PRKCE: variants seen among roughly 807,000 people sequenced by gnomAD.
PRKCE encodes protein kinase C epsilon type.
PRKCE carries 16 observed loss-of-function variants against 85.4 expected under a neutral mutation model. The ratio of observed to expected loss-of-function variants is 0.19; its 90% CI spans 0.13 to 0.28. PRKCE has a LOEUF of 0.28. PRKCE is among the 10% of genes least tolerant of loss of function. The pLI is 1.00. For missense variants in PRKCE, 573 were observed against 975.2 expected (o/e 0.59, Z 5.49); for synonymous variants, 388 against 371.5 (o/e 1.04, Z -0.51).
chr2:45,885,877 G>C (rs2345179), intron 2 of PRKCE, among the ~76,000 whole-genome samples: 1 of 152,104 alleles, frequency 6.6e-6, no homozygotes, highest in South Asian at 2.1e-4. Flanking sequence ...CTTATTTTAA[G>C]TGCACGAGGG....
At chr2:45,794,868 C>CT (rs1044390652) in intron 1 of PRKCE, among the ~76,000 whole-genome samples, 2 of 103,452 alleles carry the variant, frequency 1.9e-5, no homozygotes, top group African/African-American at 3.8e-5. Flanking sequence ...TCCACCATTT[C>CT]TTTTTTTCTT....
At chr2:46,141,073 G>A (rs1324404662) in intron 11 of PRKCE, among the ~76,000 whole-genome samples, 2 of 152,044 alleles carry the variant, frequency 1.3e-5, no homozygotes, top group African/African-American at 2.4e-5. Context: ...ACCAAGAAGG[G>A]CTGTTTGGCA....
chr2:46,070,389 A>G (rs1667975632), intron 10 of PRKCE, among the ~76,000 whole-genome samples: 1 of 152,238 alleles, frequency 6.6e-6, no homozygotes, highest in East Asian at 1.9e-4. Context: ...CATGCCTGTA[A>G]TCCCAGCACT....
In PRKCE at chr2:46,159,104, G is replaced by C. The variant is rs534639899; in HGVS notation, c.1921-502G>C. Among the ~76,000 whole-genome samples, 2 of 152,308 alleles carry C rather than the reference G, an allele frequency of 1.3e-5. No individual in the cohort carries two copies. The highest frequency in any genetic ancestry group is 3.9e-4 in the East Asian group (2 of 5,186). On this transcript the variant is annotated intron_variant, in intron 13 of 14. Transcript: ENST00000306156. This position sits in a 1 kb window ranked among gnomAD's most constrained non-coding sequence, Gnocchi z 4.1. ...CAGGAACAGGAAAGGAGCTGGAGGA[G>C]GCATTAGTACATTTGATCATTTACC...
At chr2:45,939,210 A>C (rs1699702685) in intron 2 of PRKCE, among the ~76,000 whole-genome samples, 1 of 152,192 alleles carries the variant, frequency 6.6e-6, no homozygotes, top group African/African-American at 2.4e-5. Flanking sequence ...GTGTTTCGGG[A>C]AAGAAATTTG....
intron 6 of PRKCE, among the ~76,000 whole-genome samples, chr2:45,986,580 T>G (rs1315881895): frequency 6.6e-6 from 1 of 152,092 alleles, no homozygotes; most frequent in South Asian, 2.1e-4. Context: ...GTTTTGAATC[T>G]GTTGAGGGCA....
At chr2:45,988,544 C>G (rs1703530027) in intron 6 of PRKCE, among the ~76,000 whole-genome samples, 1 of 152,184 alleles carries the variant, frequency 6.6e-6, no homozygotes, top group Non-Finnish European at 1.5e-5. Context: ...CAGCCCACAG[C>G]CACAGAGGGG....
At chr2:46,148,344 G>C (rs1369128126) in intron 12 of PRKCE, among the ~76,000 whole-genome samples, 1 of 152,220 alleles carries the variant, frequency 6.6e-6, no homozygotes, top group Non-Finnish European at 1.5e-5. Context: ...CAGATAATTA[G>C]AGCCAAGCCT....
intron 1 of PRKCE, among the ~76,000 whole-genome samples, chr2:45,797,162 C>G (rs1457576257): frequency 1.3e-5 from 2 of 152,146 alleles, no homozygotes; most frequent in Admixed American, 1.3e-4. Context: ...GGTATAGTAT[C>G]ATTAGCTTGT....
At chr2:46,163,839 TGAGA>T (rs1678041889) in intron 14 of PRKCE, among the ~76,000 whole-genome samples, 1 of 141,086 alleles carries the variant, frequency 7.1e-6, no homozygotes, top group South Asian at 2.3e-4. Flanking sequence ...CGGAGGCCAC[TGAGA>T]GACACAGGGA....
chr2:45,668,065 G>C (rs1048472746), intron 1 of PRKCE, among the ~76,000 whole-genome samples: 1 of 152,196 alleles, frequency 6.6e-6, no homozygotes, highest in East Asian at 1.9e-4. Flanking sequence ...TCACGGCTGG[G>C]CACGGTGGCT....
chr2:46,149,756 T>A (rs1463392690), intron 12 of PRKCE, among the ~76,000 whole-genome samples: 1 of 149,620 alleles, frequency 6.7e-6, no homozygotes, highest in Non-Finnish European at 1.5e-5. Context: ...TATATATATG[T>A]CATTGACATG....
chr2:46,070,247 C>A (rs1388263404), intron 10 of PRKCE, among the ~76,000 whole-genome samples: 1 of 152,214 alleles, frequency 6.6e-6, no homozygotes, highest in Non-Finnish European at 1.5e-5. Context: ...AGACTTGAGA[C>A]CACCTCTATA....
intron 1 of PRKCE, among the ~76,000 whole-genome samples, chr2:45,707,872 G>A (rs1489304617): frequency 6.6e-6 from 1 of 152,220 alleles, no homozygotes; most frequent in Non-Finnish European, 1.5e-5. Context: ...GCCAAGCCAG[G>A]AATCAGACCT....
intron 1 of PRKCE, among the ~76,000 whole-genome samples, chr2:45,814,895 C>T (rs1003532970): frequency 2.0e-5 from 3 of 152,092 alleles, no homozygotes; most frequent in Admixed American, 6.5e-5. Flanking sequence ...AGAAGGGTCC[C>T]GTGCTTTGGA....
intron 10 of PRKCE, among the ~76,000 whole-genome samples, chr2:46,018,335 A>G (rs1297958868): frequency 6.6e-6 from 1 of 152,134 alleles, no homozygotes; most frequent in African/African-American, 2.4e-5. Context: ...GTGTGGGGAA[A>G]GGTAGGTAGG....
intron 1 of PRKCE, among the ~76,000 whole-genome samples, chr2:45,727,231 G>C (rs1403404845): frequency 1.3e-5 from 2 of 152,132 alleles, no homozygotes; most frequent in African/African-American, 4.8e-5. Context: ...ACCTCTTAAG[G>C]CCATAGTTAT....
At position 45,905,967 on chromosome 2, in the gene PRKCE, C is replaced by T. The variant is rs1696940799; in HGVS notation, c.412+62904C>T. Reference sequence around the variant, plus strand: ...AGGGCCGGGGTGGGCAGGCTATCTTCAGCGGTGATGCGCTTTCAACCCTCC... The same window carrying T: ...AGGGCCGGGGTGGGCAGGCTATCTTTAGCGGTGATGCGCTTTCAACCCTCC... On this transcript the variant is annotated intron_variant, in intron 2 of 14. Coordinates refer to ENST00000306156, the MANE Select transcript of PRKCE (RefSeq NM_005400.3). The surrounding 1 kb of genome is among the most constrained non-coding windows in gnomAD (Gnocchi z 4.4). Among the ~76,000 whole-genome samples, 1 of 152,214 alleles carries T rather than the reference C, an allele frequency of 6.6e-6. No homozygotes were observed. Among genetic ancestry groups the T allele is most frequent in the Non-Finnish European group, 1.5e-5 (1 of 68,032 alleles).
At chr2:46,026,954 G>A (rs1221955568) in intron 10 of PRKCE, among the ~76,000 whole-genome samples, 4 of 152,192 alleles carry the variant, frequency 2.6e-5, no homozygotes, top group African/African-American at 4.8e-5. Flanking sequence ...GGGAGGCCAA[G>A]GCAGGAGGAT....
Sources: gnomAD v4.1 joint callset for allele counts (sites outside exome capture counted in the v4.1 genomes callset) on GRCh38, gnomAD v4.1.1 for gene constraint, Gnocchi (gnomAD v3.1) non-coding constraint, MANE v1.5 for transcripts, NCBI Gene and HGNC (gene_info 2026-07-23, HGNC 2026-07-21) for gene names.